Variants in SHISA6 observed in about 807,000 individuals in gnomAD.
The protein encoded by SHISA6 is shisa family member 6.
SHISA6 carries 22 observed loss-of-function variants against 47.9 expected under a neutral mutation model. The observed-to-expected ratio is 0.46, with a 90% CI of 0.33 to 0.66. SHISA6 has a LOEUF of 0.66. Among genes scored for constraint, SHISA6 ranks in the 30% least tolerant of loss-of-function variants. The probability of loss-of-function intolerance (pLI) is 0.02; values close to 1 mark genes in which losing one functional copy is unlikely to be tolerated. For synonymous variants in SHISA6, 388 were observed against 337.8 expected, an observed-to-expected ratio of 1.15 and a Z score of -1.63; for missense variants, 680 against 764.6, an observed-to-expected ratio of 0.89 and a Z score of 1.30.
At chr17:11,544,732 G>A (rs913865734) in intron 3 of SHISA6, among the ~76,000 whole-genome samples, 9 of 152,020 alleles carry the variant, frequency 5.9e-5, no homozygotes, top group African/African-American at 1.9e-4. Context: ...AGGCCAAGGC[G>A]GGTGGATCAC....
chr17:11,382,015 G>T (rs888804707), intron 3 of SHISA6, among the ~76,000 whole-genome samples: 7 of 152,158 alleles, frequency 4.6e-5, no homozygotes, highest in Non-Finnish European at 1.0e-4. Flanking sequence ...CTGGGTTTGA[G>T]GTTGGTGGTT....
At chr17:11,326,297 G>T (rs190894864) in intron 2 of SHISA6, among the ~76,000 whole-genome samples, 33 of 151,916 alleles carry the variant, frequency 2.2e-4, no homozygotes, top group African/African-American at 8.0e-4. Flanking sequence ...CTAAATAGGG[G>T]GATGTAGGGC....
At chr17:11,392,591 G>A (rs1913422808) in intron 3 of SHISA6, among the ~76,000 whole-genome samples, 2 of 152,166 alleles carry the variant, frequency 1.3e-5, no homozygotes, top group African/African-American at 4.8e-5. Flanking sequence ...AGCATCATGA[G>A]CCCCTCAGCA....
chr17:11,382,065 C>A (rs1261241793), intron 3 of SHISA6, among the ~76,000 whole-genome samples: 1 of 151,054 alleles, frequency 6.6e-6, no homozygotes, highest in Admixed American at 6.6e-5. Context: ...AATGGAGATT[C>A]CGTTTTTTAG....
chr17:11,467,155 G>C (rs1047007270), intron 3 of SHISA6, among the ~76,000 whole-genome samples: 2 of 152,194 alleles, frequency 1.3e-5, no homozygotes, highest in Non-Finnish European at 2.9e-5. Flanking sequence ...GTTCCTGTGG[G>C]TTCAAGGATC....
chr17:11,395,128 A>G (rs950740488), intron 3 of SHISA6, among the ~76,000 whole-genome samples: 5 of 150,368 alleles, frequency 3.3e-5, no homozygotes, highest in African/African-American at 9.8e-5. Context: ...TTCTAAGTAC[A>G]TATGTATTTT....
At chr17:11,320,503 C>A (rs1597456690) in intron 2 of SHISA6, among the ~76,000 whole-genome samples, 1 of 151,974 alleles carries the variant, frequency 6.6e-6, no homozygotes, top group Non-Finnish European at 1.5e-5. Flanking sequence ...ACTAAAAATA[C>A]AAAAATTAGC....
At chr17:11,278,191 G>A (rs1219977547) in intron 2 of SHISA6, among the ~76,000 whole-genome samples, 2 of 152,182 alleles carry the variant, frequency 1.3e-5, no homozygotes, top group African/African-American at 4.8e-5. Flanking sequence ...AGAATGGGGA[G>A]GGTCACTGGG....
intron 2 of SHISA6, among the ~76,000 whole-genome samples, chr17:11,296,799 G>C (rs1382071605): frequency 6.6e-6 from 1 of 152,130 alleles, no homozygotes; most frequent in Non-Finnish European, 1.5e-5. Context: ...AGAGCCCCAG[G>C]TAGGAGCTGA....
chr17:11,257,281 A>G lies in SHISA6; in HGVS notation c.639-6085A>G, dbSNP rs555906242. ...CAATTGTCCTGGCTACATATTTTAG[A>G]CAATGGAAGCACTCCGACTGTCCAG... On this transcript the variant is annotated intron_variant, in intron 1 of 5. Transcript: ENST00000441885. 1.1e-4 allele frequency among the ~76,000 whole-genome samples: 16 copies of G among 152,310 alleles called. No individual in the cohort carries two copies. In the East Asian group the frequency reaches 2.3e-3, roughly 22 times the overall value.
rs1375958964 is a variant in SHISA6, at chr17:11,241,450, C to T, written c.28C>T (p.Leu10=). MALRRLLLL[L]LLSLESLDLL... The stretch of plus-strand genomic sequence containing the variant: ...GGCGCTGCGGCGCCTCCTGCTGCTG[C>T]TGCTGCTCTCGCTGGAGTCCCTGGA... Residue 10 remains leucine (L), a synonymous_variant, in exon 1 of 6, where the codon CTG becomes TTG. Coordinates refer to ENST00000441885, the MANE Select transcript of SHISA6 (RefSeq NM_207386.4). This position sits in a 1 kb window ranked among gnomAD's most constrained non-coding sequence, Gnocchi z 5.5. 1.7e-5 allele frequency: 21 copies of T among 1,206,298 alleles called. No individual in the cohort carries two copies. Among genetic ancestry groups the T allele is most frequent in the Middle Eastern group, 3.5e-4 (1 of 2,846 alleles). 74.7% of individuals were successfully genotyped at this position (1,206,298 alleles called of 1,614,324 possible).
At chr17:11,356,461 T>G (rs1490998930) in intron 2 of SHISA6, among the ~76,000 whole-genome samples, 9 of 152,208 alleles carry the variant, frequency 5.9e-5, no homozygotes, top group Non-Finnish European at 4.4e-5. Flanking sequence ...CTCTACGCAC[T>G]TTGGCTGGAA....
intron 3 of SHISA6, among the ~76,000 whole-genome samples, chr17:11,517,887 C>T (rs1017558522): frequency 1.3e-5 from 2 of 152,090 alleles, no homozygotes; most frequent in African/African-American, 4.8e-5. Context: ...CAACCTCCAT[C>T]AATGGCCACT....
chr17:11,283,146 T>G (rs1909178951), intron 2 of SHISA6, among the ~76,000 whole-genome samples: 1 of 152,228 alleles, frequency 6.6e-6, no homozygotes, highest in Non-Finnish European at 1.5e-5. Context: ...TGTGCCCACA[T>G]GAATATTAAC....
intron 2 of SHISA6, among the ~76,000 whole-genome samples, chr17:11,352,024 A>C (rs984164865): frequency 6.6e-6 from 1 of 152,182 alleles, no homozygotes; most frequent in African/African-American, 2.4e-5. Flanking sequence ...ATGCCTCAAG[A>C]TGTTGGACAC....
chr17:11,420,102 G>A (rs1255641717), intron 3 of SHISA6, among the ~76,000 whole-genome samples: 1 of 152,164 alleles, frequency 6.6e-6, no homozygotes, highest in Non-Finnish European at 1.5e-5. Context: ...TACTTGGGAG[G>A]CTGAGGCAGG....
At chr17:11,488,747 C>T (rs1916408815) in intron 3 of SHISA6, among the ~76,000 whole-genome samples, 1 of 152,130 alleles carries the variant, frequency 6.6e-6, no homozygotes, top group African/African-American at 2.4e-5. Flanking sequence ...GCAGAAGCCC[C>T]AGGGCTAATG....
At chr17:11,288,170 T>G (rs1310851192) in intron 2 of SHISA6, 1 of 152,218 alleles carries the variant, frequency 6.6e-6, no homozygotes, top group Admixed American at 6.5e-5. Flanking sequence ...ATTGTCTCAC[T>G]TAAATAAATG....
intron 3 of SHISA6, among the ~76,000 whole-genome samples, chr17:11,391,014 T>G (rs1048478483): frequency 2.6e-5 from 4 of 152,158 alleles, no homozygotes; most frequent in Non-Finnish European, 5.9e-5. Flanking sequence ...GGGTCCTAAA[T>G]GGCCTCCTAT....
Sources: allele counts gnomAD v4.1 joint callset (sites outside exome capture counted in the v4.1 genomes callset), GRCh38; gene constraint gnomAD v4.1.1; non-coding constraint Gnocchi (gnomAD v3.1); transcripts MANE v1.5; gene names NCBI Gene and HGNC (gene_info 2026-07-23, HGNC 2026-07-21).